Variants in ACE observed in about 807,000 individuals in gnomAD.
ACE encodes angiotensin-converting enzyme.
In ACE, 122 loss-of-function variants were observed where a neutral mutation model predicts 162.3. That is an observed-to-expected ratio of 0.75 (90% CI 0.65 to 0.87). The LOEUF (loss-of-function observed/expected upper bound fraction) is 0.87. Ranked by LOEUF, ACE falls within the 40% of genes least tolerant of loss-of-function variation. The pLI is 0.00. For synonymous variants in ACE, 796 were observed against 720.6 expected, an observed-to-expected ratio of 1.10 and a Z score of -1.68; for missense variants, 1,799 against 1,735.1, an observed-to-expected ratio of 1.04 and a Z score of -0.65.
rs370903033 is a variant in ACE at position 63,480,457 on chromosome 17, G to A, written c.776G>A (p.Arg259His). The change falls in exon 5 of 25, where the codon CGC (arginine) becomes CAC (histidine). Residue 259 changes from arginine to histidine, a missense_variant. Coordinates refer to ENST00000290866, the MANE Select transcript of ACE (RefSeq NM_000789.4). ...TACCTGAACCTCCATGCCTTCGTCC[G>A]CCGCGCACTGCATCGCCGATACGGA... ...PLYLNLHAFV[R>H]RALHRRYGDR... is the part of the protein sequence containing the mutation. 9.9e-6 allele frequency: 16 copies of A among 1,613,906 alleles called. No homozygotes were observed. In the Middle Eastern group the frequency reaches 6.6e-4, roughly 66 times the overall value.
At chr17:63,490,671 G>A (rs892319296) in intron 17 of ACE, 12 of 477,348 alleles carry the variant, frequency 2.5e-5, no homozygotes, top group Admixed American at 6.5e-5. Flanking sequence ...CATGTCAGCA[G>A]TTGCTAGTCA....
chr17:63,483,222 C>T (rs2049743101), intron 9 of ACE, 49 bp downstream of exon 9: 3 of 1,611,876 alleles, frequency 1.9e-6, no homozygotes, highest in Non-Finnish European at 2.5e-6. Flanking sequence ...CCTCCCCAGC[C>T]TCCTGGACAG....
rs1002742182 is a variant in ACE at position 63,480,615 on chromosome 17, T to C, written c.847+87T>C. The C allele has an allele frequency of 2.0e-6, 3 of 1,469,080 alleles. No individual in the cohort carries two copies. In the African/African-American group the frequency reaches 4.2e-5, roughly 20 times the overall value. The allele number at this position is 1,469,080 out of a possible 1,614,324, so 91.0% of individuals were successfully genotyped here. A position where few individuals can be genotyped will look rare whatever the true frequency, so the allele number is the denominator to read the frequency against. ...GGGGGATGTCCAGGGTAAGGGAAGG[T>C]GGGTTGTGACCCTCACATCTCACAT... On this transcript the variant is annotated intron_variant, in intron 5 of 24. Transcript: ENST00000290866.
At chr17:63,486,257 C>A (rs776807606) in intron 13 of ACE, 9 of 474,140 alleles carry the variant, frequency 1.9e-5, no homozygotes, top group Non-Finnish European at 3.5e-5. Context: ...TTCAGAAAGG[C>A]CACAGAGCTA....
intron 5 of ACE, 104 bp downstream of exon 5, chr17:63,480,632 ATC>A: frequency 8.1e-7 from 1 of 1,240,608 alleles, no homozygotes; most frequent in South Asian, 1.2e-5. Context: ...TGACCCTCAC[ATC>A]TCACATGTGT....
rs768526118 is a variant in ACE, at chr17:63,485,503, G to A, written c.2058+131G>A. 41 of 1,357,212 alleles carry A rather than the reference G, an allele frequency of 3.0e-5. No homozygotes were observed. In the East Asian group the frequency reaches 5.8e-4, roughly 19 times the overall value. 84.1% of individuals were successfully genotyped at this position (1,357,212 alleles called of 1,614,324 possible). A position where few individuals can be genotyped will look rare whatever the true frequency, so the allele number is the denominator to read the frequency against. ...TTAAAACAATACTCAATTTCGGGCC[G>A]GGCGCGGTGGCTCACGCCTGTAATC... On this transcript the variant is annotated intron_variant, in intron 13 of 24. Coordinates refer to ENST00000290866, the MANE Select transcript of ACE (RefSeq NM_000789.4).
Position 63,483,568 on chromosome 17 carries a change from C to CCT in ACE, c.1586+11_1586+12insTC. On this transcript the variant is annotated intron_variant, in intron 10 of 24. Transcript: ENST00000290866. ...TGACACCATACATCAGGTATTAGCGCCCCCACCCCACCCACCCCCAGTACT... is the reference window on the plus strand; with the variant it reads ...TGACACCATACATCAGGTATTAGCGCCTCCCCACCCCACCCACCCCCAGTACT... The CCT allele has an allele frequency of 2.5e-6, 4 of 1,585,808 alleles. No individual in the cohort carries two copies. Among genetic ancestry groups the CCT allele is most frequent in the South Asian group, 1.1e-5 (1 of 90,026 alleles).
At chr17:63,493,823 C>T in intron 20 of ACE, 99 bp from the exon 21 acceptor site, 1 of 1,584,780 alleles carries the variant, frequency 6.3e-7, no homozygotes, top group Non-Finnish European at 8.6e-7. Context: ...GTCACAGGGC[C>T]CAAAAGGTAC....
At chr17:63,480,960 C>G in intron 5 of ACE, 131 bp from the exon 6 acceptor site, 1 of 858,366 alleles carries the variant, frequency 1.2e-6, no homozygotes, top group Non-Finnish European at 2.0e-6. Flanking sequence ...GATTTCTGGC[C>G]CTAAGCCAGG....
At chr17:63,490,869 C>A in intron 17 of ACE, 85 bp from the exon 18 acceptor site, 2 of 1,256,092 alleles carry the variant, frequency 1.6e-6, no homozygotes, top group South Asian at 1.2e-5. Context: ...GGACTGGGAT[C>A]TGGAGCGCTC....
At chr17:63,487,883 G>A (rs867573538) in intron 15 of ACE, among the ~76,000 whole-genome samples, 1 of 152,212 alleles carries the variant, frequency 6.6e-6, no homozygotes, top group Non-Finnish European at 1.5e-5. Flanking sequence ...AGGAGAAACG[G>A]TTTTCCCAGG....
intron 19 of ACE, among the ~76,000 whole-genome samples, chr17:63,493,013 C>T (rs2030482185): frequency 6.6e-6 from 1 of 152,168 alleles, no homozygotes; most frequent in Non-Finnish European, 1.5e-5. Context: ...TGCAGAATCG[C>T]CCACTCTCAC....
Position 63,483,836 on chromosome 17 carries a change from C to G in ACE, c.1587-13C>G, listed in dbSNP as rs375418423. 306 of 1,613,902 alleles carry G rather than the reference C, an allele frequency of 1.9e-4. No individual in the cohort carries two copies. Among genetic ancestry groups the G allele is most frequent in the Non-Finnish European group, 2.5e-4 (298 of 1,180,032 alleles). On this transcript the variant is annotated splice_polypyrimidine_tract_variant and intron_variant, in intron 10 of 24. Transcript: ENST00000290866. The stretch of plus-strand genomic sequence containing the variant: ...CCCCATGATCTTCCCTGACTCCCAC[C>G]CTGTGCCTGCAGGTACTTTGTGAGT...
rs529992538 is a variant in ACE, at chr17:63,491,170, C to T, written c.2740-39C>T. On this transcript the variant is annotated intron_variant, in intron 18 of 24. Transcript: ENST00000290866. This position sits in a 1 kb window ranked among gnomAD's most constrained non-coding sequence, Gnocchi z 4.4. The stretch of plus-strand genomic sequence containing the variant: ...CCCACGGCAGCACGCAGTCTGTCCC[C>T]GGAACCCCCAGTTTGGGCAGAACTC... The T allele has an allele frequency of 1.1e-4, 172 of 1,612,902 alleles. 1 individual carries two copies. In the South Asian group the frequency reaches 1.7e-3, roughly 16 times the overall value.
Position 63,479,845 on chromosome 17 carries a change from G to A in ACE, c.588G>A (p.Ala196=), listed in dbSNP as rs763742450. The A allele has an allele frequency of 1.2e-5, 19 of 1,612,922 alleles. No individual in the cohort carries two copies. The South Asian group carries it at 1.5e-4, about 13-fold the overall frequency. The change falls in exon 4 of 25, where the codon GCG becomes GCA. Residue 196 remains alanine, a synonymous_variant. Transcript: ENST00000290866. ...CCTGGGAGGGCTGGCACAACGCTGC[G>A]GGCATCCCGCTGAAACCGCTGTACG... ...LFAWEGWHNA[A]GIPLKPLYED...
intron 2 of ACE, 193 bp from the exon 3 acceptor site, chr17:63,478,814 G>A (rs2147526786): frequency 1.6e-6 from 1 of 640,876 alleles, no homozygotes; most frequent in East Asian, 2.8e-5. Flanking sequence ...TCCACAGGCT[G>A]CCTCCACTGG....
At position 63,477,978 on chromosome 17, in the gene ACE, GAAGGCC is replaced by G; in HGVS notation, c.302_307del (p.Ala101_Lys102del). 6.2e-7 allele frequency: 1 copy of G among 1,612,322 alleles called. No individual in the cohort carries two copies. Among genetic ancestry groups the G allele is most frequent in the Non-Finnish European group, 8.5e-7 (1 of 1,179,522 alleles). ...AGGAGTTTGCGGAGGCCTGGGGCCA[GAAGGCC>G]AAGGAGCTGTATGAACCGATCTGGC... On this transcript the variant is annotated inframe_deletion, in exon 2 of 25. Coordinates refer to ENST00000290866, the MANE Select transcript of ACE (RefSeq NM_000789.4).
intron 23 of ACE, 71 bp downstream of exon 23, chr17:63,496,587 A>C (rs1227319923): frequency 6.2e-7 from 1 of 1,611,326 alleles, no homozygotes; most frequent in East Asian, 2.2e-5. Context: ...GGGTCTGTCC[A>C]CTGGAGCTTT....
intron 15 of ACE, among the ~76,000 whole-genome samples, chr17:63,488,273 T>C (rs2147552319): frequency 6.6e-6 from 1 of 150,558 alleles, no homozygotes; most frequent in South Asian, 2.1e-4. Flanking sequence ...ATGGAAGGAT[T>C]GCTTGAGCCT....
Sources: allele counts gnomAD v4.1 joint callset (sites outside exome capture counted in the v4.1 genomes callset), GRCh38; gene constraint gnomAD v4.1.1; non-coding constraint Gnocchi (gnomAD v3.1); transcripts MANE v1.5; gene names NCBI Gene and HGNC (gene_info 2026-07-23, HGNC 2026-07-21).